Variants in UBXN7 observed in about 807,000 individuals in gnomAD.
The protein encoded by UBXN7 is UBX domain protein 7, also known as UBX domain-containing protein 7.
Under a neutral mutation model 58.0 loss-of-function variants are expected in UBXN7, and 9 were observed. The observed-to-expected ratio is 0.16, with a 90% CI of 0.09 to 0.27. The LOEUF is 0.27. UBXN7 is among the 10% of genes least tolerant of loss of function. UBXN7 has a pLI of 1.00. For missense variants in UBXN7, 328 were observed against 599.6 expected (o/e 0.55, Z 4.73); for synonymous variants, 208 against 205.0 (o/e 1.01, Z -0.12).
rs1482593323 is a variant in UBXN7, at chr3:196,354,818, A to C, written c.*1867T>G. 1.3e-5 allele frequency: 2 copies of C among 152,034 alleles called. No individual in the cohort carries two copies. Among genetic ancestry groups the C allele is most frequent in the African/African-American group, 2.4e-5 (1 of 41,422 alleles). The allele number at this position is 152,034 out of a possible 1,614,324, so 9.4% of individuals were successfully genotyped here. A position where few individuals can be genotyped will look rare whatever the true frequency, so the allele number is the denominator to read the frequency against. On this transcript the variant is annotated 3_prime_UTR_variant, in exon 11 of 11. Transcript: ENST00000296328. The stretch of plus-strand genomic sequence containing the variant: ...CAATCTAAAGACAGAACTTTGACTC[A>C]AGGTAGAAATGAAACCGTAATTATA...
At chr3:196,382,930 A>T (rs1365482652) in intron 5 of UBXN7, among the ~76,000 whole-genome samples, 1 of 152,116 alleles carries the variant, frequency 6.6e-6, no homozygotes, top group Non-Finnish European at 1.5e-5. Context: ...CCTGGCTAAC[A>T]CGGTGAAACC....
At chr3:196,431,915 G>C (rs1731069137) in intron 1 of UBXN7, 1 of 368,052 alleles carries the variant, frequency 2.7e-6, no homozygotes, top group Middle Eastern at 3.8e-4. Context: ...AGGAAAAAAG[G>C]AGGTGAGGAG....
At chr3:196,378,714 G>C (rs555416386) in intron 5 of UBXN7, among the ~76,000 whole-genome samples, 42 of 152,332 alleles carry the variant, frequency 2.8e-4, no homozygotes, top group African/African-American at 9.9e-4. Flanking sequence ...CAGTGAGGAT[G>C]ACCAGGTCAC....
chr3:196,403,141 A>C, intron 2 of UBXN7, 122 bp from the exon 3 acceptor site: 1 of 1,028,302 alleles, frequency 9.7e-7, no homozygotes, highest in Admixed American at 3.0e-5. Context: ...AGTAATAATA[A>C]GTTTTTGTGT....
chr3:196,368,004 T>C (rs1389542577), intron 8 of UBXN7, 24 bp downstream of exon 8: 5 of 1,604,314 alleles, frequency 3.1e-6, no homozygotes, highest in East Asian at 4.5e-5. Context: ...TATTTTCCCA[T>C]CACCACCTCC....
rs1729645993 is a variant in UBXN7 at position 196,393,467 on chromosome 3, A to G, written c.355+87T>C. The G allele has an allele frequency of 3.9e-6, 5 of 1,285,512 alleles. No individual in the cohort carries two copies. The South Asian group carries it at 4.5e-5, about 12-fold the overall frequency. The allele number at this position is 1,285,512 out of a possible 1,614,324, so 79.6% of individuals were successfully genotyped here. A position where few individuals can be genotyped will look rare whatever the true frequency, so the allele number is the denominator to read the frequency against. ...CACTTTTTAAAGAAGGTGAAAACTTAAAAGTAATTGGGCCTAATAGTAATC... is the reference window on the plus strand; with the variant it reads ...CACTTTTTAAAGAAGGTGAAAACTTGAAAGTAATTGGGCCTAATAGTAATC... On this transcript the variant is annotated intron_variant, in intron 4 of 10. Coordinates refer to ENST00000296328, the MANE Select transcript of UBXN7 (RefSeq NM_015562.2).
intron 8 of UBXN7, among the ~76,000 whole-genome samples, chr3:196,365,451 G>C (rs909829803): frequency 6.6e-6 from 1 of 152,044 alleles, no homozygotes; most frequent in South Asian, 2.1e-4. Flanking sequence ...CCAAAGACTG[G>C]AGTGCAGTGA....
chr3:196,415,333 T>G (rs897779964), intron 1 of UBXN7, among the ~76,000 whole-genome samples: 1 of 151,158 alleles, frequency 6.6e-6, no homozygotes, highest in Non-Finnish European at 1.5e-5. Flanking sequence ...TTTGTATTTT[T>G]AGTAGAGACG....
intron 5 of UBXN7, among the ~76,000 whole-genome samples, chr3:196,385,169 G>C (rs1274771660): frequency 1.3e-5 from 2 of 152,170 alleles, no homozygotes. Flanking sequence ...CGCCTGACTG[G>C]TTTTCGTATT....
intron 8 of UBXN7, among the ~76,000 whole-genome samples, chr3:196,367,494 T>C: frequency 6.6e-6 from 1 of 152,148 alleles, no homozygotes; most frequent in East Asian, 1.9e-4. Context: ...TCCAGCCGGC[T>C]GTGGTGGCAT....
At position 196,352,310 on chromosome 3, in the gene UBXN7, TGA is replaced by T. The variant is rs1290197988; in HGVS notation, c.*4373_*4374del. The T allele has an allele frequency of 6.6e-6, 1 of 151,744 alleles. No individual in the cohort carries two copies. Among genetic ancestry groups the T allele is most frequent in the Non-Finnish European group, 1.5e-5 (1 of 67,966 alleles). The allele number at this position is 151,744 out of a possible 1,614,324, so 9.4% of individuals were successfully genotyped here. On this transcript the variant is annotated 3_prime_UTR_variant, in exon 11 of 11. Transcript: ENST00000296328. This position sits in a 1 kb window ranked among gnomAD's most constrained non-coding sequence, Gnocchi z 4.1. ...TTGCCCAGGATGGAGTGCAGTGGTG[TGA>T]TCTCGGCTCACTGCAACCTCCGCCT...
intron 4 of UBXN7, among the ~76,000 whole-genome samples, 169 bp from the exon 5 acceptor site, chr3:196,392,094 G>A (rs1456110418): frequency 1.3e-5 from 2 of 151,232 alleles, no homozygotes; most frequent in East Asian, 3.9e-4. Flanking sequence ...TGCAAAGGGA[G>A]ATAAGAGGAA....
intron 3 of UBXN7, among the ~76,000 whole-genome samples, chr3:196,396,633 G>A (rs1193609022): frequency 6.6e-6 from 1 of 151,788 alleles, no homozygotes; most frequent in Admixed American, 6.6e-5. Flanking sequence ...CGTGGTGGCG[G>A]GTACCTGTAG....
intron 1 of UBXN7, among the ~76,000 whole-genome samples, chr3:196,420,861 C>A (rs778716674): frequency 2.0e-5 from 3 of 152,190 alleles, no homozygotes; most frequent in Non-Finnish European, 4.4e-5. Context: ...AAAAGACGGA[C>A]AGTGATCATC....
At chr3:196,412,430 T>C in intron 1 of UBXN7, among the ~76,000 whole-genome samples, 1 of 151,734 alleles carries the variant, frequency 6.6e-6, no homozygotes, top group East Asian at 1.9e-4. Context: ...AAACAAAAAA[T>C]AACAAGTGTG....
intron 5 of UBXN7, among the ~76,000 whole-genome samples, chr3:196,381,133 C>T (rs1025543451): frequency 1.3e-5 from 2 of 152,244 alleles, no homozygotes; most frequent in African/African-American, 2.4e-5. Context: ...CAGTGGTTCT[C>T]CCAGCATGGT....
chr3:196,358,806 C>T (rs1044178427), intron 10 of UBXN7, among the ~76,000 whole-genome samples: 1 of 151,618 alleles, frequency 6.6e-6, no homozygotes, highest in Non-Finnish European at 1.5e-5. Flanking sequence ...TCAGACTAAA[C>T]ATCTAACACC....
intron 5 of UBXN7, among the ~76,000 whole-genome samples, chr3:196,390,145 T>A (rs1729531828): frequency 6.6e-6 from 1 of 151,754 alleles, no homozygotes; most frequent in Non-Finnish European, 1.5e-5. Context: ...ATTGAGACCA[T>A]AAGTTGGAGG....
intron 1 of UBXN7, among the ~76,000 whole-genome samples, chr3:196,416,607 A>C (rs1428486977): frequency 6.6e-6 from 1 of 152,136 alleles, no homozygotes; most frequent in Non-Finnish European, 1.5e-5. Flanking sequence ...GTCAATCCTC[A>C]AGCAAGCAGG....
Sources: allele counts gnomAD v4.1 joint callset (sites outside exome capture counted in the v4.1 genomes callset), GRCh38; gene constraint gnomAD v4.1.1; non-coding constraint Gnocchi (gnomAD v3.1); transcripts MANE v1.5; gene names NCBI Gene and HGNC (gene_info 2026-07-23, HGNC 2026-07-21).